LRRC3B: variants seen among roughly 807,000 people sequenced by gnomAD.
LRRC3B encodes the protein leucine rich repeat containing 3B.
A neutral mutation model predicts 12.8 loss-of-function variants in LRRC3B; 2 were observed. That is an observed-to-expected ratio of 0.16 (90% CI 0.06 to 0.49). The LOEUF is 0.49. Ranked by LOEUF, LRRC3B falls within the 20% of genes least tolerant of loss-of-function variation. The pLI, the probability that LRRC3B is intolerant of heterozygous loss-of-function variation, is 0.96. For missense variants in LRRC3B, 189 were observed against 319.4 expected (o/e 0.59, Z 3.11); for synonymous variants, 132 against 122.0 (o/e 1.08, Z -0.54).
At chr3:26,696,396 G>A (rs374486049) in intron 1 of LRRC3B, among the ~76,000 whole-genome samples, 3 of 152,300 alleles carry the variant, frequency 2.0e-5, no homozygotes, top group Admixed American at 2.0e-4. Context: ...GCTAATCTCT[G>A]TGGATGTCTA....
intron 1 of LRRC3B, among the ~76,000 whole-genome samples, chr3:26,666,141 C>G (rs1409841118): frequency 6.6e-6 from 1 of 151,924 alleles, no homozygotes; most frequent in Non-Finnish European, 1.5e-5. Flanking sequence ...GATGCCTTTG[C>G]AAGAGTACTG....
chr3:26,637,509 A>G (rs1354951505), intron 1 of LRRC3B, among the ~76,000 whole-genome samples: 1 of 152,104 alleles, frequency 6.6e-6, no homozygotes, highest in East Asian at 1.9e-4. Context: ...TCTTCTTTCC[A>G]CTGAGTTGTA....
chr3:26,632,615 A>G (rs999284602), intron 1 of LRRC3B, among the ~76,000 whole-genome samples: 2 of 152,110 alleles, frequency 1.3e-5, no homozygotes, highest in Non-Finnish European at 2.9e-5. Context: ...TTGTAGAACT[A>G]TTGAAGTAGG....
chr3:26,688,190 T>G (rs1428565214), intron 1 of LRRC3B, among the ~76,000 whole-genome samples: 1 of 152,170 alleles, frequency 6.6e-6, no homozygotes, highest in East Asian at 1.9e-4. Flanking sequence ...TTAAAATACA[T>G]CCACAGCTCT....
At chr3:26,697,800 G>T (rs1391659108) in intron 1 of LRRC3B, among the ~76,000 whole-genome samples, 1 of 152,110 alleles carries the variant, frequency 6.6e-6, no homozygotes, top group Admixed American at 6.6e-5. Flanking sequence ...CATCTTGGGA[G>T]CAAAATTTCT....
chr3:26,701,758 G>A (rs535889593), intron 1 of LRRC3B, among the ~76,000 whole-genome samples: 20 of 152,066 alleles, frequency 1.3e-4, no homozygotes, highest in South Asian at 2.1e-4. Context: ...TCCTTGGGAA[G>A]GTGACATGAT....
chr3:26,685,478 ACT>A (rs1208978952), intron 1 of LRRC3B, among the ~76,000 whole-genome samples: 12 of 54,146 alleles, frequency 2.2e-4, no homozygotes, highest in Non-Finnish European at 4.1e-4. Flanking sequence ...GATATGGTAG[ACT>A]CTCTCCCTCT....
intron 1 of LRRC3B, among the ~76,000 whole-genome samples, chr3:26,698,653 A>G (rs1295236327): frequency 6.6e-6 from 1 of 152,144 alleles, no homozygotes; most frequent in Non-Finnish European, 1.5e-5. Flanking sequence ...CAATGAACAC[A>G]TATATCCATC....
chr3:26,630,632 T>A (rs1462588003), intron 1 of LRRC3B, among the ~76,000 whole-genome samples: 1 of 152,182 alleles, frequency 6.6e-6, no homozygotes, highest in Non-Finnish European at 1.5e-5. Flanking sequence ...GTATGGCTAC[T>A]ATTGAGGTTT....
At chr3:26,677,610 C>T (rs975018253) in intron 1 of LRRC3B, among the ~76,000 whole-genome samples, 4 of 152,146 alleles carry the variant, frequency 2.6e-5, no homozygotes, top group East Asian at 1.9e-4. Context: ...CATAGACCTT[C>T]GAAGAATATT....
At chr3:26,637,117 C>T in intron 1 of LRRC3B, among the ~76,000 whole-genome samples, 1 of 151,440 alleles carries the variant, frequency 6.6e-6, no homozygotes, top group East Asian at 2.0e-4. Context: ...CTGCCTTAGC[C>T]TCCAGAATAG....
At chr3:26,706,752 A>C (rs1210440267) in intron 1 of LRRC3B, among the ~76,000 whole-genome samples, 1 of 152,222 alleles carries the variant, frequency 6.6e-6, no homozygotes, top group African/African-American at 2.4e-5. Context: ...GCTGAGGAAG[A>C]GTTCCATTCT....
chr3:26,699,960 A>G (rs1366659948), intron 1 of LRRC3B, among the ~76,000 whole-genome samples: 1 of 152,062 alleles, frequency 6.6e-6, no homozygotes, highest in African/African-American at 2.4e-5. Flanking sequence ...TCAAAAATGT[A>G]TTTGTTTGTT....
chr3:26,709,966 T>C (rs1310826096), exon 2 of LRRC3B: 3 of 1,614,154 alleles, frequency 1.9e-6, no homozygotes, highest in Non-Finnish European at 2.5e-6. Context: ...TGTCCAAAAA[T>C]GGCATTGAGT....
chr3:26,682,226 A>G (rs1004089674), intron 1 of LRRC3B, among the ~76,000 whole-genome samples: 1 of 152,124 alleles, frequency 6.6e-6, no homozygotes, highest in African/African-American at 2.4e-5. Context: ...AGACTTGCCA[A>G]TAGCTTTGTA....
At chr3:26,696,697 C>T (rs1247743186) in intron 1 of LRRC3B, among the ~76,000 whole-genome samples, 1 of 152,198 alleles carries the variant, frequency 6.6e-6, no homozygotes, top group East Asian at 1.9e-4. Context: ...TGTTCCACCA[C>T]ATTTCTATCT....
At chr3:26,644,723 A>T (rs966093488) in intron 1 of LRRC3B, among the ~76,000 whole-genome samples, 11 of 152,246 alleles carry the variant, frequency 7.2e-5, no homozygotes, top group Non-Finnish European at 1.5e-4. Context: ...TGCTTATTAG[A>T]AAATAGTCTA....
intron 1 of LRRC3B, among the ~76,000 whole-genome samples, chr3:26,674,736 G>T (rs1699822367): frequency 6.6e-6 from 1 of 152,118 alleles, no homozygotes; most frequent in Non-Finnish European, 1.5e-5. Flanking sequence ...AAACATCTCA[G>T]ATTGGGCATT....
At chr3:26,681,050 C>A (rs2125441405) in intron 1 of LRRC3B, among the ~76,000 whole-genome samples, 1 of 152,168 alleles carries the variant, frequency 6.6e-6, no homozygotes, top group Admixed American at 6.5e-5. Context: ...TTATTGTGGT[C>A]TGGAGTAGGC....
Sources: gnomAD v4.1 joint callset for allele counts (sites outside exome capture counted in the v4.1 genomes callset) on GRCh38, gnomAD v4.1.1 for gene constraint, MANE v1.5 for transcripts, NCBI Gene and HGNC (gene_info 2026-07-23, HGNC 2026-07-21) for gene names.